Variants in SGK1 observed in about 807,000 individuals in gnomAD.
SGK1 encodes the protein serum/glucocorticoid regulated kinase 1, also known as serine/threonine-protein kinase Sgk1.
SGK1 carries 26 observed loss-of-function variants against 64.2 expected under a neutral mutation model. The ratio of observed to expected loss-of-function variants is 0.40; its 90% CI spans 0.30 to 0.56. SGK1 has a LOEUF of 0.56. Among genes scored for constraint, SGK1 ranks in the 20% least tolerant of loss-of-function variants. The probability of loss-of-function intolerance (pLI) is 0.38; values close to 1 mark genes in which losing one functional copy is unlikely to be tolerated. For synonymous variants in SGK1, 265 were observed against 239.7 expected (o/e 1.11, Z -0.98); for missense variants, 519 against 645.6 (o/e 0.80, Z 2.12).
chr6:134,247,409 A>C (rs1483865724), intron 2 of SGK1, among the ~76,000 whole-genome samples: 1 of 152,106 alleles, frequency 6.6e-6, no homozygotes, highest in Non-Finnish European at 1.5e-5. Context: ...CGTAAAATTT[A>C]CCTATATATG....
chr6:134,223,336 C>T (rs1040029632), intron 2 of SGK1, among the ~76,000 whole-genome samples: 1 of 145,298 alleles, frequency 6.9e-6, no homozygotes. Flanking sequence ...CCATTGCACT[C>T]AAGCCTGGGC....
intron 1 of SGK1, among the ~76,000 whole-genome samples, chr6:134,292,882 T>C (rs1777288127): frequency 6.6e-6 from 1 of 152,202 alleles, no homozygotes; most frequent in African/African-American, 2.4e-5. Flanking sequence ...ATCTTCCCAA[T>C]GATCAAAATG....
At chr6:134,311,521 C>T (rs888819572) in intron 1 of SGK1, among the ~76,000 whole-genome samples, 1 of 151,978 alleles carries the variant, frequency 6.6e-6, no homozygotes, top group African/African-American at 2.4e-5. Flanking sequence ...CATGGTGGTG[C>T]ACACCTGTAA....
At chr6:134,265,291 C>T (rs556737594) in intron 1 of SGK1, among the ~76,000 whole-genome samples, 1 of 151,934 alleles carries the variant, frequency 6.6e-6, no homozygotes, top group South Asian at 2.1e-4. Flanking sequence ...AAAACCCCAT[C>T]TCTACAAAAA....
At chr6:134,312,362 C>G (rs1292797355) in intron 1 of SGK1, among the ~76,000 whole-genome samples, 1 of 152,098 alleles carries the variant, frequency 6.6e-6, no homozygotes, top group Non-Finnish European at 1.5e-5. Flanking sequence ...CAAAATAGAA[C>G]AGTAAAAGGA....
chr6:134,225,933 C>A (rs5880207), intron 2 of SGK1, among the ~76,000 whole-genome samples: 3 of 148,122 alleles, frequency 2.0e-5, no homozygotes, highest in Admixed American at 6.7e-5. Flanking sequence ...ACAAAAAAAA[C>A]AAAAAAAAAC....
chr6:134,224,789 G>A (rs1039666380), intron 2 of SGK1, among the ~76,000 whole-genome samples: 10 of 151,972 alleles, frequency 6.6e-5, no homozygotes, highest in Non-Finnish European at 1.2e-4. Context: ...TTGGCAGGTC[G>A]AGGCAGGTGG....
intron 2 of SGK1, among the ~76,000 whole-genome samples, chr6:134,221,853 A>G (rs1776095153): frequency 6.6e-6 from 1 of 152,038 alleles, no homozygotes; most frequent in Non-Finnish European, 1.5e-5. Flanking sequence ...GGGTTTCACC[A>G]TGTCGGCCAG....
At chr6:134,273,541 C>T (rs993733489) in intron 1 of SGK1, among the ~76,000 whole-genome samples, 7 of 126,250 alleles carry the variant, frequency 5.5e-5, no homozygotes, top group South Asian at 5.2e-4. Flanking sequence ...TGCAGTGAGC[C>T]GAGATCCCGC....
intron 3 of SGK1, among the ~76,000 whole-genome samples, chr6:134,176,574 C>T (rs1400326687): frequency 6.6e-6 from 1 of 152,160 alleles, no homozygotes; most frequent in Non-Finnish European, 1.5e-5. Flanking sequence ...CAAGTTACCA[C>T]TATTCGCAGG....
intron 3 of SGK1, among the ~76,000 whole-genome samples, chr6:134,189,368 G>C (rs1775474003): frequency 6.6e-6 from 1 of 151,980 alleles, no homozygotes; most frequent in African/African-American, 2.4e-5. Flanking sequence ...TTTTGTATAA[G>C]ACCACAAGAA....
At chr6:134,192,125 G>A (rs1378658423) in intron 3 of SGK1, among the ~76,000 whole-genome samples, 4 of 151,792 alleles carry the variant, frequency 2.6e-5, no homozygotes, top group South Asian at 2.1e-4. Context: ...CACCGCGCCC[G>A]GCCCTGATTT....
chr6:134,316,918 G>C (rs2114808084), intron 1 of SGK1, among the ~76,000 whole-genome samples: 1 of 152,262 alleles, frequency 6.6e-6, no homozygotes, highest in African/African-American at 2.4e-5. Context: ...TTGGCTGAAT[G>C]GATTTGGGAA....
intron 1 of SGK1, among the ~76,000 whole-genome samples, chr6:134,293,373 T>C (rs1582768435): frequency 6.6e-6 from 1 of 152,194 alleles, no homozygotes; most frequent in East Asian, 1.9e-4. Context: ...AGTGTTTATT[T>C]ATTTGCCAAA....
chr6:134,287,444 C>CT (rs761885493), intron 1 of SGK1, among the ~76,000 whole-genome samples: 475 of 104,700 alleles, frequency 4.5e-3, no homozygotes, highest in East Asian at 0.013. Context: ...GATAAGAAGG[C>CT]TTTTTTTTTT....
chr6:134,265,562 T>C (rs1346334472), intron 1 of SGK1, among the ~76,000 whole-genome samples: 1 of 147,038 alleles, frequency 6.8e-6, no homozygotes, highest in African/African-American at 2.5e-5. Flanking sequence ...TTTATATATA[T>C]ACATATATAT....
chr6:134,198,555 A>G (rs561233146), intron 3 of SGK1, among the ~76,000 whole-genome samples: 54 of 152,132 alleles, frequency 3.5e-4, no homozygotes, highest in Middle Eastern at 3.4e-3. Context: ...TATTAATCCA[A>G]TGATATCATT....
chr6:134,241,138 C>G (rs1454738158), intron 2 of SGK1, among the ~76,000 whole-genome samples: 1 of 148,758 alleles, frequency 6.7e-6, no homozygotes, highest in Non-Finnish European at 1.5e-5. Context: ...CAGTCTCAGA[C>G]TCCCTGGCTC....
intron 2 of SGK1, among the ~76,000 whole-genome samples, chr6:134,243,765 C>T (rs531078632): frequency 5.9e-4 from 90 of 152,276 alleles, no homozygotes; most frequent in Admixed American, 3.8e-3. Context: ...ATGAATTATA[C>T]TGCCTGACTT....
Sources: allele counts gnomAD v4.1 joint callset (sites outside exome capture counted in the v4.1 genomes callset), GRCh38; gene constraint gnomAD v4.1.1; transcripts MANE v1.5; gene names NCBI Gene and HGNC (gene_info 2026-07-23, HGNC 2026-07-21).